The following PDGFD variants were observed in gnomAD, a reference collection of about 807,000 sequenced individuals.
The protein encoded by PDGFD is platelet derived growth factor D.
Under a neutral mutation model 44.7 loss-of-function variants are expected in PDGFD, and 30 were observed. The observed-to-expected ratio is 0.67, with a 90% CI of 0.50 to 0.91. The LOEUF (loss-of-function observed/expected upper bound fraction) is 0.91, where lower values mean the gene tolerates loss of function less well. Among genes scored for constraint, PDGFD ranks in the 40% least tolerant of loss-of-function variants. The probability of loss-of-function intolerance (pLI) is 0.00; values close to 1 mark genes in which losing one functional copy is unlikely to be tolerated. For synonymous variants in PDGFD, 173 were observed against 168.4 expected (o/e 1.03, Z -0.21); for missense variants, 445 against 457.8 (o/e 0.97, Z 0.25).
At chr11:104,009,342 C>T (rs1859748652) in intron 1 of PDGFD, among the ~76,000 whole-genome samples, 1 of 152,046 alleles carries the variant, frequency 6.6e-6, no homozygotes, top group African/African-American at 2.4e-5. Flanking sequence ...TGACTAGATT[C>T]CATAGGTTCT....
chr11:103,915,928 T>C (rs541374662), intron 6 of PDGFD, among the ~76,000 whole-genome samples: 2 of 152,290 alleles, frequency 1.3e-5, no homozygotes, highest in South Asian at 2.1e-4. Flanking sequence ...TTACACCTTA[T>C]ACAAAAGTTA....
intron 1 of PDGFD, among the ~76,000 whole-genome samples, chr11:104,142,651 G>A (rs1263995063): frequency 2.6e-5 from 4 of 152,248 alleles, no homozygotes; most frequent in East Asian, 1.9e-4. Flanking sequence ...AATGAGAATT[G>A]GAGATGTGAT....
chr11:104,128,020 A>T (rs74783945), intron 1 of PDGFD, among the ~76,000 whole-genome samples: 3,419 of 152,232 alleles, frequency 0.022, 56 homozygotes, highest in Non-Finnish European at 0.037. Context: ...TCAATGAGTC[A>T]TGATCAGGAA....
At chr11:103,960,469 A>C (rs1158428328) in intron 3 of PDGFD, among the ~76,000 whole-genome samples, 1 of 152,202 alleles carries the variant, frequency 6.6e-6, no homozygotes, top group Non-Finnish European at 1.5e-5. Context: ...TACTGAGTTC[A>C]AAGTTTTATT....
At position 104,129,751 on chromosome 11, in the gene PDGFD, G is replaced by A. The variant is rs146607968; in HGVS notation, c.124+34053C>T. ...AGGCTGGGTGCAGTGGCTCACGCCTGTAATCCCAGCACTTTGGGAGGCTGA... is the reference window on the plus strand; with the variant it reads ...AGGCTGGGTGCAGTGGCTCACGCCTATAATCCCAGCACTTTGGGAGGCTGA... On this transcript the variant is annotated intron_variant, in intron 1 of 6. Coordinates refer to ENST00000393158, the MANE Select transcript of PDGFD (RefSeq NM_025208.5). Among the ~76,000 whole-genome samples, 550 of 152,304 alleles carry A rather than the reference G, an allele frequency of 3.6e-3. 3 individuals carry two copies. Among genetic ancestry groups the A allele is most frequent in the Non-Finnish European group, 6.1e-3 (412 of 68,024 alleles).
At chr11:104,019,233 C>T (rs1314316570) in intron 1 of PDGFD, among the ~76,000 whole-genome samples, 1 of 152,160 alleles carries the variant, frequency 6.6e-6, no homozygotes, top group African/African-American at 2.4e-5. Flanking sequence ...ATGTCCAGCA[C>T]CTAGCACAGA....
At chr11:103,913,477 G>C (rs1858064656) in intron 6 of PDGFD, among the ~76,000 whole-genome samples, 1 of 152,198 alleles carries the variant, frequency 6.6e-6, no homozygotes, top group African/African-American at 2.4e-5. Flanking sequence ...CAATGTACCA[G>C]AATCTCTGGG....
chr11:103,947,196 T>C (rs1565291926), intron 4 of PDGFD, among the ~76,000 whole-genome samples: 1 of 152,200 alleles, frequency 6.6e-6, no homozygotes. Flanking sequence ...TAAAATAGAA[T>C]ACATGCCTGA....
chr11:104,091,568 G>T (rs1264233177), intron 1 of PDGFD, among the ~76,000 whole-genome samples: 1 of 152,192 alleles, frequency 6.6e-6, no homozygotes, highest in African/African-American at 2.4e-5. Context: ...TGCAGGGAAA[G>T]GCTGACAAGC....
At chr11:104,076,649 C>A (rs1159767434) in intron 1 of PDGFD, among the ~76,000 whole-genome samples, 1 of 152,082 alleles carries the variant, frequency 6.6e-6, no homozygotes, top group Non-Finnish European at 1.5e-5. Flanking sequence ...GTAACTGTGA[C>A]ACATTCGTTC....
At chr11:103,965,836 C>T (rs753674761) in intron 3 of PDGFD, among the ~76,000 whole-genome samples, 3 of 151,884 alleles carry the variant, frequency 2.0e-5, no homozygotes, top group East Asian at 1.9e-4. Context: ...CCTGACACTT[C>T]GACAGCCTCT....
In PDGFD at chr11:104,144,507, C is replaced by CA. The variant is rs201864924; in HGVS notation, c.124+19296dup. Among the ~76,000 whole-genome samples, 287 of 73,490 alleles carry CA rather than the reference C, an allele frequency of 3.9e-3. 1 individual carries two copies. The highest frequency in any genetic ancestry group is 5.1e-3 in the South Asian group (10 of 1,974). The allele number at this position is 73,490 out of a possible 152,430, so 48.2% of individuals were successfully genotyped here. On this transcript the variant is annotated intron_variant, in intron 1 of 6. Transcript: ENST00000393158. ...GGCAATAAGAGCAAAACTCCGTCAC[C>CA]AAAAAAAAAAAAAAAAAAAAACCCA...
chr11:104,103,462 G>GTGTATATA lies in PDGFD; in HGVS notation c.124+60341_124+60342insTATATACA, dbSNP rs1041388346. The stretch of plus-strand genomic sequence containing the variant: ...AACAGACAATTATGTGTGTGTGTGT[G>GTGTATATA]TATATATATATATATATATATATAT... On this transcript the variant is annotated intron_variant, in intron 1 of 6. Coordinates refer to ENST00000393158, the MANE Select transcript of PDGFD (RefSeq NM_025208.5). 4.0e-4 allele frequency among the ~76,000 whole-genome samples: 53 copies of GTGTATATA among 133,256 alleles called. No homozygotes were observed. In the East Asian group the frequency reaches 7.9e-3, roughly 20 times the overall value. 87.4% of individuals were successfully genotyped at this position (133,256 alleles called of 152,430 possible).
chr11:103,990,094 T>C (rs1403397696), intron 3 of PDGFD, among the ~76,000 whole-genome samples: 5 of 152,180 alleles, frequency 3.3e-5, no homozygotes, highest in Non-Finnish European at 5.9e-5. Context: ...TTGAGAGATA[T>C]CCTCAGTAGG....
At chr11:104,035,783 C>G (rs1446168331) in intron 1 of PDGFD, among the ~76,000 whole-genome samples, 2 of 152,050 alleles carry the variant, frequency 1.3e-5, no homozygotes, top group Admixed American at 6.6e-5. Flanking sequence ...GCTTTTGTAA[C>G]ATGAAACTGC....
chr11:104,151,414 A>C (rs1273123675), intron 1 of PDGFD, among the ~76,000 whole-genome samples: 5 of 152,204 alleles, frequency 3.3e-5, no homozygotes, highest in African/African-American at 1.2e-4. Context: ...ATTTATTGAT[A>C]TAATACAGAA....
chr11:104,050,121 C>T (rs1860508201), intron 1 of PDGFD, among the ~76,000 whole-genome samples: 1 of 152,042 alleles, frequency 6.6e-6, no homozygotes, highest in African/African-American at 2.4e-5. Context: ...TCTGAAAAAG[C>T]AAGAGAGAAC....
chr11:103,989,169 CTG>C (rs1241206327), intron 3 of PDGFD, among the ~76,000 whole-genome samples: 1 of 152,064 alleles, frequency 6.6e-6, no homozygotes, highest in Non-Finnish European at 1.5e-5. Context: ...CTCATATGTA[CTG>C]TATTTAGGTT....
intron 1 of PDGFD, among the ~76,000 whole-genome samples, chr11:104,087,593 G>A (rs915024114): frequency 1.3e-5 from 2 of 151,990 alleles, no homozygotes; most frequent in African/African-American, 4.8e-5. Context: ...ATCTTCTTAC[G>A]ATCACACAAA....
Sources: allele counts gnomAD v4.1 joint callset (sites outside exome capture counted in the v4.1 genomes callset), GRCh38; gene constraint gnomAD v4.1.1; transcripts MANE v1.5; gene names NCBI Gene and HGNC (gene_info 2026-07-23, HGNC 2026-07-21).